The following DAD1 variants were observed in gnomAD, a reference collection of about 807,000 sequenced individuals.
DAD1 encodes the protein defender against cell death 1.
A neutral mutation model predicts 9.0 loss-of-function variants in DAD1; 4 were observed. That is an observed-to-expected ratio of 0.44 (90% CI 0.22 to 1.01). The LOEUF (loss-of-function observed/expected upper bound fraction) is 1.01. Ranked by LOEUF, DAD1 falls within the 50% of genes least tolerant of loss-of-function variation. DAD1 has a pLI of 0.24. For missense variants in DAD1, 119 were observed against 137.3 expected (o/e 0.87, Z 0.67); for synonymous variants, 60 against 62.5 (o/e 0.96, Z 0.19).
In DAD1 at chr14:22,587,424, G is replaced by T. The variant is rs143312291; in HGVS notation, c.211+1523C>A. ...CTGGCTAATAAAAACATATAGTACC[G>T]TGGCAGAGGGCGGTGGGTGGGTGGT... On this transcript the variant is annotated intron_variant, in intron 1 of 2. Transcript: ENST00000250498. 2.0e-5 allele frequency among the ~76,000 whole-genome samples: 3 copies of T among 152,258 alleles called. 1 individual carries two copies. In the East Asian group the frequency reaches 5.8e-4, roughly 29 times the overall value.
At chr14:22,573,709 C>CAAAA (rs553176098) in intron 2 of DAD1, among the ~76,000 whole-genome samples, 7 of 44,490 alleles carry the variant, frequency 1.6e-4, no homozygotes, top group Non-Finnish European at 2.3e-4. Flanking sequence ...GACTCCATCT[C>CAAAA]AAAAAAAAAA....
chr14:22,567,298 A>C (rs1164578732), intron 2 of DAD1: 1 of 152,244 alleles, frequency 6.6e-6, no homozygotes, highest in East Asian at 1.9e-4. Flanking sequence ...TTCAGACACT[A>C]GCACTGGGCA....
At chr14:22,579,976 A>C (rs2037104663) in intron 1 of DAD1, among the ~76,000 whole-genome samples, 1 of 149,072 alleles carries the variant, frequency 6.7e-6, no homozygotes, top group East Asian at 1.9e-4. Context: ...AGTAGCTGAG[A>C]CAACAGTCAT....
At chr14:22,565,217 C>T (rs1320986700) in intron 2 of DAD1, 80 bp from the exon 3 acceptor site, 4 of 690,658 alleles carry the variant, frequency 5.8e-6, no homozygotes, top group Non-Finnish European at 1.1e-5. Context: ...AAATTCTAAC[C>T]CACAAGACAG....
intron 1 of DAD1, among the ~76,000 whole-genome samples, chr14:22,582,008 C>G (rs1445196913): frequency 6.6e-6 from 1 of 151,248 alleles, no homozygotes; most frequent in African/African-American, 2.4e-5. Context: ...CAAGACCAGC[C>G]TGGTCAAGAA....
In DAD1 at chr14:22,575,088, G is replaced by C. The variant is rs954737621; in HGVS notation, c.*15C>G. On this transcript the variant is annotated 3_prime_UTR_variant, in exon 2 of 3. Coordinates refer to ENST00000250498, the MANE Select transcript of DAD1 (RefSeq NM_001344.4). ...TTTTAGTCTCCTACTCCTCAATTAA[G>C]TAAATGAGAATGATTCAGCCAACAA... 1 of 1,613,114 alleles carries C rather than the reference G, an allele frequency of 6.2e-7. No individual in the cohort carries two copies. Among genetic ancestry groups the C allele is most frequent in the Non-Finnish European group, 8.5e-7 (1 of 1,179,428 alleles).
At chr14:22,576,999 T>C (rs916659657) in intron 1 of DAD1, among the ~76,000 whole-genome samples, 1 of 152,160 alleles carries the variant, frequency 6.6e-6, no homozygotes, top group Admixed American at 6.6e-5. Flanking sequence ...CTGAAACCCT[T>C]GTGCACTAAC....
rs771537726 is a variant in DAD1, at chr14:22,589,054, A to T, written c.104T>A (p.Leu35Gln). The T allele has an allele frequency of 1.2e-6, 2 of 1,614,224 alleles. No individual in the cohort carries two copies. Among genetic ancestry groups the T allele is most frequent in the Admixed American group, 1.7e-5 (1 of 60,026 alleles). Residue 35 changes from leucine to glutamine, a missense_variant, in exon 1 of 3, where the codon CTG (leucine) becomes CAG (glutamine). Physicochemically the swap from Leu to Gln is moderately radical, Grantham distance 113. Transcript: ENST00000250498. ...ACCGAACTGCAGCGCCCCGGTCAGC[A>T]GTATATACAGCAGGTACGCGTCCAG... ...KLLDAYLLYILLTGALQFGYC... is the reference protein window; with the variant it reads ...KLLDAYLLYIQLTGALQFGYC...
At chr14:22,581,454 G>A (rs188275484) in intron 1 of DAD1, among the ~76,000 whole-genome samples, 198 of 152,170 alleles carry the variant, frequency 1.3e-3, no homozygotes, top group Non-Finnish European at 1.9e-3. Context: ...TAAACACAAG[G>A]ACAGACGCCA....
chr14:22,580,214 T>C (rs1377085917), intron 1 of DAD1, among the ~76,000 whole-genome samples: 1 of 151,910 alleles, frequency 6.6e-6, no homozygotes, highest in African/African-American at 2.4e-5. Context: ...GCCCAAGAGC[T>C]TGAGACCAGC....
intron 2 of DAD1, among the ~76,000 whole-genome samples, chr14:22,572,846 A>G (rs781508722): frequency 6.6e-5 from 10 of 152,306 alleles, no homozygotes; most frequent in Non-Finnish European, 1.3e-4. Context: ...ATCAGAAGAC[A>G]TGACCTTTCC....
chr14:22,569,334 G>A (rs1206178874), intron 2 of DAD1, among the ~76,000 whole-genome samples: 3 of 151,944 alleles, frequency 2.0e-5, no homozygotes, highest in Non-Finnish European at 2.9e-5. Context: ...TCAAGAGGCT[G>A]AGGCAGGAGA....
At chr14:22,580,371 G>GAGCCACAGTC (rs983227539) in intron 1 of DAD1, among the ~76,000 whole-genome samples, 3 of 151,872 alleles carry the variant, frequency 2.0e-5, no homozygotes, top group Non-Finnish European at 4.4e-5. Flanking sequence ...AGGCTGCAGT[G>GAGCCACAGTC]AGCCACAGTC....
chr14:22,585,136 GA>G (rs2037143713), intron 1 of DAD1, among the ~76,000 whole-genome samples: 1 of 152,222 alleles, frequency 6.6e-6, no homozygotes, highest in South Asian at 2.1e-4. Context: ...TAGCTCCCGT[GA>G]GACAGAAAAC....
At chr14:22,578,869 T>C (rs1216346745) in intron 1 of DAD1, among the ~76,000 whole-genome samples, 1 of 152,150 alleles carries the variant, frequency 6.6e-6, no homozygotes, top group Non-Finnish European at 1.5e-5. Context: ...GAAAAAAATA[T>C]ATAACCAAAA....
intron 1 of DAD1, among the ~76,000 whole-genome samples, chr14:22,578,678 T>C (rs2037095057): frequency 6.6e-6 from 1 of 152,234 alleles, no homozygotes; most frequent in South Asian, 2.1e-4. Context: ...AGGGAGAGGA[T>C]AACTGGGAAG....
At chr14:22,577,744 G>C (rs1026082057) in intron 1 of DAD1, among the ~76,000 whole-genome samples, 1 of 152,204 alleles carries the variant, frequency 6.6e-6, no homozygotes, top group African/African-American at 2.4e-5. Context: ...CCTAGAAACA[G>C]AAAGTGGAAT....
chr14:22,588,903 C>T, intron 1 of DAD1, 44 bp downstream of exon 1: 1 of 1,599,266 alleles, frequency 6.3e-7, no homozygotes, highest in Non-Finnish European at 8.5e-7. Context: ...AAGCAGCACA[C>T]CAAAGTAACA....
At chr14:22,580,096 A>T (rs571924706) in intron 1 of DAD1, among the ~76,000 whole-genome samples, 1 of 152,000 alleles carries the variant, frequency 6.6e-6, no homozygotes, top group African/African-American at 2.4e-5. Context: ...GGGATTACAG[A>T]CATGAGCCCC....
Sources: allele counts gnomAD v4.1 joint callset (sites outside exome capture counted in the v4.1 genomes callset), GRCh38; gene constraint gnomAD v4.1.1; transcripts MANE v1.5; gene names NCBI Gene and HGNC (gene_info 2026-07-23, HGNC 2026-07-21).